SLC4A8: variants seen among roughly 807,000 people sequenced by gnomAD.
The protein encoded by SLC4A8 is electroneutral sodium bicarbonate exchanger 1.
A neutral mutation model predicts 125.0 loss-of-function variants in SLC4A8; 40 were observed. The observed-to-expected ratio is 0.32, with a 90% CI of 0.25 to 0.42. The LOEUF (loss-of-function observed/expected upper bound fraction) is 0.42. SLC4A8 is among the 10% of genes least tolerant of loss of function. The pLI is 1.00. For synonymous variants in SLC4A8, 456 were observed against 476.0 expected, an observed-to-expected ratio of 0.96 and a Z score of 0.55; for missense variants, 863 against 1,355.1, an observed-to-expected ratio of 0.64 and a Z score of 5.70.
intron 1 of SLC4A8, among the ~76,000 whole-genome samples, chr12:51,419,661 C>T (rs1444579540): frequency 6.6e-6 from 1 of 152,160 alleles, no homozygotes; most frequent in Non-Finnish European, 1.5e-5. Context: ...TTTTTTACAG[C>T]CAGCTTTTCT....
upstream of SLC4A8, chr12:51,424,747 G>T: frequency 2.1e-6 from 1 of 478,420 alleles, no homozygotes; most frequent in Non-Finnish European, 3.7e-6. Flanking sequence ...GGTAGCCCAG[G>T]GTACCGCCGG....
At chr12:51,479,866 C>A in intron 16 of SLC4A8, 1 of 249,320 alleles carries the variant, frequency 4.0e-6, no homozygotes, top group Non-Finnish European at 8.0e-6. Flanking sequence ...TTCAGCCCTT[C>A]TGATGCCTAA....
chr12:51,437,594 C>T (rs1321555172), intron 1 of SLC4A8, among the ~76,000 whole-genome samples: 6 of 152,152 alleles, frequency 3.9e-5, no homozygotes, highest in Admixed American at 3.9e-4. Context: ...TCCTGACTCT[C>T]TTACCAGAAG....
At chr12:51,457,095 T>C (rs1471164770) in intron 5 of SLC4A8, among the ~76,000 whole-genome samples, 1 of 152,230 alleles carries the variant, frequency 6.6e-6, no homozygotes, top group Admixed American at 6.5e-5. Flanking sequence ...ATTTCCTCAT[T>C]TGTAAAAATT....
chr12:51,507,751 C>T lies in SLC4A8; in HGVS notation c.*313C>T, dbSNP rs1046922878. ...AAGACCTAGCTTCCCATTTTCCAGA[C>T]GTTTTCTCTGAAATTCTCTGCTGGC... On this transcript the variant is annotated 3_prime_UTR_variant, in exon 25 of 25. Coordinates refer to ENST00000453097, the MANE Select transcript of SLC4A8 (RefSeq NM_001039960.3). 2.0e-5 allele frequency: 5 copies of T among 247,922 alleles called. No homozygotes were observed. The highest frequency in any genetic ancestry group is 3.8e-5 in the Non-Finnish European group (5 of 130,296). 15.4% of individuals were successfully genotyped at this position (247,922 alleles called of 1,614,324 possible). A position where few individuals can be genotyped will look rare whatever the true frequency, so the allele number is the denominator to read the frequency against.
intron 21 of SLC4A8, among the ~76,000 whole-genome samples, chr12:51,496,225 T>C (rs1419674326): frequency 6.6e-6 from 1 of 152,186 alleles, no homozygotes; most frequent in Admixed American, 6.5e-5. Context: ...TAGAGAGAAA[T>C]GTACTTGAAT....
At chr12:51,474,591 TCTTTTATC>T in intron 15 of SLC4A8, 144 bp downstream of exon 15, 1 of 1,393,852 alleles carries the variant, frequency 7.2e-7, no homozygotes, top group Non-Finnish European at 9.5e-7. Context: ...TTACTCACTT[TCTTTTATC>T]CTTTCAGAAT....
At chr12:51,462,492 A>G in intron 10 of SLC4A8, 36 bp downstream of exon 10, 1 of 1,510,586 alleles carries the variant, frequency 6.6e-7, no homozygotes. Flanking sequence ...GGCTATTGTC[A>G]CTTACTGACT....
At chr12:51,421,490 A>G (rs919996626), upstream of SLC4A8, among the ~76,000 whole-genome samples, 3 of 152,222 alleles carry the variant, frequency 2.0e-5, no homozygotes, top group Non-Finnish European at 4.4e-5. Flanking sequence ...CAAGGGCCAG[A>G]GGCTCTGACT....
chr12:51,494,770 TTAA>T (rs1168461172), intron 20 of SLC4A8, 172 bp from the exon 21 acceptor site: 1 of 507,638 alleles, frequency 2.0e-6, no homozygotes, highest in African/African-American at 1.9e-5. Flanking sequence ...ACTTTGCCAC[TTAA>T]TAACCTTGGC....
chr12:51,455,965 T>C (rs1950136801), intron 5 of SLC4A8, among the ~76,000 whole-genome samples: 1 of 152,238 alleles, frequency 6.6e-6, no homozygotes, highest in Non-Finnish European at 1.5e-5. Flanking sequence ...TAAAACTCTT[T>C]GTAAACAACA....
chr12:51,507,487 G>A lies in SLC4A8; in HGVS notation c.*49G>A, dbSNP rs535272991. 3 of 1,335,810 alleles carry A rather than the reference G, an allele frequency of 2.2e-6. No individual in the cohort carries two copies. The highest frequency in any genetic ancestry group is 4.9e-5 in the South Asian group (2 of 40,906). The allele number at this position is 1,335,810 out of a possible 1,614,324, so 82.7% of individuals were successfully genotyped here. ...TTGGGCCGTGTGGTGCCTCAGGGAA[G>A]TTCTGGTTACAGAGAAAATGGCGAG... is the stretch of plus-strand genomic sequence containing the variant. On this transcript the variant is annotated 3_prime_UTR_variant, in exon 25 of 25. Coordinates refer to ENST00000453097, the MANE Select transcript of SLC4A8 (RefSeq NM_001039960.3).
At chr12:51,496,771 C>G (rs138117406) in intron 21 of SLC4A8, among the ~76,000 whole-genome samples, 1 of 152,168 alleles carries the variant, frequency 6.6e-6, no homozygotes, top group East Asian at 1.9e-4. Flanking sequence ...GTTAGCTGCT[C>G]TCTAAGTTGT....
intron 11 of SLC4A8, among the ~76,000 whole-genome samples, chr12:51,465,578 G>A (rs1262771388): frequency 6.6e-6 from 1 of 152,192 alleles, no homozygotes; most frequent in Non-Finnish European, 1.5e-5. Flanking sequence ...GGAGTTTGAA[G>A]GAGTTCTCCC....
chr12:51,410,934 G>A (rs959620620), intron 1 of SLC4A8, among the ~76,000 whole-genome samples: 3 of 147,482 alleles, frequency 2.0e-5, no homozygotes, highest in African/African-American at 5.0e-5. Context: ...GAATGCAGTG[G>A]CAGGATCATA....
chr12:51,411,868 T>C (rs1437619712), intron 1 of SLC4A8, among the ~76,000 whole-genome samples: 1 of 152,096 alleles, frequency 6.6e-6, no homozygotes, highest in East Asian at 1.9e-4. Context: ...GAGGATCGCT[T>C]GAGCCCAGGA....
At chr12:51,416,213 T>TTTTG (rs1406946340) in intron 1 of SLC4A8, among the ~76,000 whole-genome samples, 7 of 143,420 alleles carry the variant, frequency 4.9e-5, no homozygotes, top group Middle Eastern at 3.6e-3. Flanking sequence ...GGTCTTTTGT[T>TTTTG]TTTTTTTTTT....
At chr12:51,507,127 C>G (rs1565828245) in intron 24 of SLC4A8, among the ~76,000 whole-genome samples, 2 of 152,182 alleles carry the variant, frequency 1.3e-5, no homozygotes, top group Non-Finnish European at 2.9e-5. Flanking sequence ...CTGAAGTGCT[C>G]TGAAAAGTCA....
intron 17 of SLC4A8, 126 bp from the exon 18 acceptor site, chr12:51,488,573 T>C (rs77917502): frequency 2.9e-5 from 5 of 172,816 alleles, no homozygotes; most frequent in South Asian, 2.3e-4. Context: ...TTTCATGCCT[T>C]TTTTTTTTTT....
Sources: gnomAD v4.1 joint callset for allele counts (sites outside exome capture counted in the v4.1 genomes callset) on GRCh38, gnomAD v4.1.1 for gene constraint, MANE v1.5 for transcripts, NCBI Gene and HGNC (gene_info 2026-07-23, HGNC 2026-07-21) for gene names.